PIAS1: variants seen among roughly 807,000 people sequenced by gnomAD.
PIAS1 encodes the protein E3 SUMO-protein ligase PIAS1.
In PIAS1, 6 loss-of-function variants were observed where a neutral mutation model predicts 71.3. The observed-to-expected ratio is 0.08, with a 90% CI of 0.05 to 0.17. The LOEUF (loss-of-function observed/expected upper bound fraction) is 0.17. Ranked by LOEUF, PIAS1 falls within the 10% of genes least tolerant of loss-of-function variation. The pLI, the probability that PIAS1 is intolerant of heterozygous loss-of-function variation, is 1.00. For missense variants in PIAS1, 555 were observed against 793.6 expected, an observed-to-expected ratio of 0.70 and a Z score of 3.61; for synonymous variants, 303 against 292.9, an observed-to-expected ratio of 1.03 and a Z score of -0.35.
At chr15:68,134,971 AC>A (rs1486503755) in intron 2 of PIAS1, among the ~76,000 whole-genome samples, 613 of 23,694 alleles carry the variant, frequency 0.026, 3 homozygotes, top group Non-Finnish European at 0.039. Context: ...GGGGGGGCTA[AC>A]CCCCCCCACC....
chr15:68,146,806 A>T, intron 6 of PIAS1, 106 bp downstream of exon 6: 2 of 841,242 alleles, frequency 2.4e-6, no homozygotes, highest in Non-Finnish European at 3.8e-6. Flanking sequence ...CTGCAAAAGG[A>T]TTTATTTTTG....
chr15:68,166,990 T>C (rs1470893080), intron 8 of PIAS1, among the ~76,000 whole-genome samples: 1 of 152,116 alleles, frequency 6.6e-6, no homozygotes, highest in East Asian at 1.9e-4. Context: ...CACACCCGGC[T>C]GATTTTTGCA....
At chr15:68,119,007 C>T (rs1424250908) in intron 2 of PIAS1, among the ~76,000 whole-genome samples, 1 of 151,920 alleles carries the variant, frequency 6.6e-6, no homozygotes, top group Admixed American at 6.6e-5. Flanking sequence ...CAACAACCTA[C>T]AGAATGGGAG....
chr15:68,109,514 A>G (rs1325405707), intron 2 of PIAS1, among the ~76,000 whole-genome samples: 1 of 152,174 alleles, frequency 6.6e-6, no homozygotes, highest in Non-Finnish European at 1.5e-5. Flanking sequence ...GATTCATTTC[A>G]TATTCTCCAT....
At position 68,086,548 on chromosome 15, in the gene PIAS1, G is replaced by C. The variant is rs2092283811; in HGVS notation, c.267G>C (p.Leu89Phe). 14 of 1,613,846 alleles carry C rather than the reference G, an allele frequency of 8.7e-6. No individual in the cohort carries two copies. Among genetic ancestry groups the C allele is most frequent in the Non-Finnish European group, 1.2e-5 (14 of 1,179,830 alleles). ...ATTCAAGTCCTATGCCAGCAACTTT[G>C]TCTCCATCTACCATTCCACAACTCA... is the stretch of plus-strand genomic sequence containing the variant. ...NVHSSPMPAT[L>F]SPSTIPQLTY... Residue 89 changes from leucine to phenylalanine, a missense_variant, in exon 2 of 14, where the codon TTG becomes TTC. Physicochemically the swap from Leu to Phe is conservative, Grantham distance 22 (BLOSUM62 0). Coordinates refer to ENST00000249636, the MANE Select transcript of PIAS1 (RefSeq NM_016166.3). This position sits in a 1 kb window ranked among gnomAD's most constrained non-coding sequence, Gnocchi z 7.2.
intron 1 of PIAS1, chr15:68,055,367 C>A: frequency 5.0e-6 from 1 of 201,472 alleles, no homozygotes; most frequent in Non-Finnish European, 8.8e-6. Context: ...TTAACAGTAC[C>A]AATTACTCAC....
At position 68,187,321 on chromosome 15, in the gene PIAS1, T is replaced by C. The variant is rs1207835094; in HGVS notation, c.1663-221T>C. ...AAAACAAAAAACAATAAAATTTATATTTTGTTTTTCCTCCAGTTTCAGATA... is the reference window on the plus strand; with the variant it reads ...AAAACAAAAAACAATAAAATTTATACTTTGTTTTTCCTCCAGTTTCAGATA... On this transcript the variant is annotated intron_variant, in intron 13 of 13. Transcript: ENST00000249636. The surrounding 1 kb of genome is among the most constrained non-coding windows in gnomAD (Gnocchi z 5.3). Among the ~76,000 whole-genome samples, 2 of 152,178 alleles carry C rather than the reference T, an allele frequency of 1.3e-5. No individual in the cohort carries two copies. The highest frequency in any genetic ancestry group is 4.8e-5 in the African/African-American group (2 of 41,450).
intron 2 of PIAS1, among the ~76,000 whole-genome samples, chr15:68,116,702 T>C (rs564357171): frequency 6.6e-6 from 1 of 152,128 alleles, no homozygotes; most frequent in Non-Finnish European, 1.5e-5. Flanking sequence ...TTTTCTAATA[T>C]AGGCATTTTA....
intron 2 of PIAS1, among the ~76,000 whole-genome samples, chr15:68,131,657 T>A (rs1004024489): frequency 4.6e-5 from 7 of 152,204 alleles, no homozygotes; most frequent in Non-Finnish European, 8.8e-5. Flanking sequence ...ATTCCATTCA[T>A]GTTTGTCACA....
intron 8 of PIAS1, among the ~76,000 whole-genome samples, chr15:68,168,471 T>C (rs2092970677): frequency 6.6e-6 from 1 of 152,202 alleles, no homozygotes; most frequent in African/African-American, 2.4e-5. Flanking sequence ...AGCACTATTA[T>C]TGTAAAGTTA....
intron 1 of PIAS1, among the ~76,000 whole-genome samples, chr15:68,061,237 G>A (rs2091955487): frequency 6.6e-6 from 1 of 152,200 alleles, no homozygotes; most frequent in African/African-American, 2.4e-5. Context: ...ATAGGCAGTA[G>A]AGACAATTTT....
chr15:68,078,137 T>C (rs2092190642), intron 1 of PIAS1, among the ~76,000 whole-genome samples: 1 of 152,232 alleles, frequency 6.6e-6, no homozygotes, highest in Non-Finnish European at 1.5e-5. Flanking sequence ...TTAAAACTTC[T>C]TAAAGCCCTA....
intron 1 of PIAS1, among the ~76,000 whole-genome samples, chr15:68,081,657 A>G (rs1193403813): frequency 1.3e-5 from 2 of 152,156 alleles, no homozygotes; most frequent in Non-Finnish European, 2.9e-5. Context: ...GCGTTAGGAG[A>G]TAAAATTGAG....
At chr15:68,135,543 G>T (rs1411898405) in intron 2 of PIAS1, among the ~76,000 whole-genome samples, 1 of 44,096 alleles carries the variant, frequency 2.3e-5, no homozygotes, top group Admixed American at 1.8e-4. Context: ...GGGCAGAGGG[G>T]CTCCTCACTT....
At chr15:68,064,156 A>G (rs1272487176) in intron 1 of PIAS1, among the ~76,000 whole-genome samples, 2 of 152,192 alleles carry the variant, frequency 1.3e-5, no homozygotes, top group Non-Finnish European at 2.9e-5. Flanking sequence ...CTGGCAAAGT[A>G]TGGTTATACA....
chr15:68,177,356 G>A (rs1179095467), intron 11 of PIAS1, among the ~76,000 whole-genome samples: 1 of 151,872 alleles, frequency 6.6e-6, no homozygotes, highest in Non-Finnish European at 1.5e-5. Context: ...CTGCTCACAG[G>A]ATGTAGAACA....
At chr15:68,147,101 A>G (rs2092812964) in intron 6 of PIAS1, among the ~76,000 whole-genome samples, 1 of 152,208 alleles carries the variant, frequency 6.6e-6, no homozygotes. Flanking sequence ...CTTTGCATGC[A>G]TATGATAATT....
At chr15:68,133,116 C>T (rs994279529) in intron 2 of PIAS1, among the ~76,000 whole-genome samples, 2 of 151,760 alleles carry the variant, frequency 1.3e-5, no homozygotes, top group African/African-American at 4.8e-5. Flanking sequence ...GAGATCACTC[C>T]CATACCAACA....
At chr15:68,115,711 T>C (rs2092559910) in intron 2 of PIAS1, among the ~76,000 whole-genome samples, 1 of 152,126 alleles carries the variant, frequency 6.6e-6, no homozygotes, top group South Asian at 2.1e-4. Context: ...AGATGTTTAC[T>C]TCTATTCCTG....
Sources: allele counts gnomAD v4.1 joint callset (sites outside exome capture counted in the v4.1 genomes callset), GRCh38; gene constraint gnomAD v4.1.1; non-coding constraint Gnocchi (gnomAD v3.1); transcripts MANE v1.5; gene names NCBI Gene and HGNC (gene_info 2026-07-23, HGNC 2026-07-21).